The following MSMO1 variants were observed in gnomAD, a reference collection of about 807,000 sequenced individuals.
MSMO1 encodes methylsterol monooxygenase 1.
Under a neutral mutation model 30.4 loss-of-function variants are expected in MSMO1, and 18 were observed. That is an observed-to-expected ratio of 0.59 (90% CI 0.41 to 0.88). The LOEUF (loss-of-function observed/expected upper bound fraction) is 0.88. Ranked by LOEUF, MSMO1 falls within the 40% of genes least tolerant of loss-of-function variation. The pLI is 0.00. For missense variants in MSMO1, 284 were observed against 340.5 expected (o/e 0.83, Z 1.31); for synonymous variants, 84 against 107.9 (o/e 0.78, Z 1.37).
intron 2 of MSMO1, 141 bp from the exon 3 acceptor site, chr4:165,337,648 G>T (rs556552520): frequency 2.5e-6 from 2 of 785,338 alleles, no homozygotes; most frequent in Admixed American, 5.2e-5. Context: ...AATTTAGAAG[G>T]CAAAGATTCC....
rs932064306 is a variant in MSMO1 at position 165,338,665 on chromosome 4, G to T, written c.418G>T (p.Ala140Ser). ...ERMPRWYFLL[A>S]RCFGCAVIED... Reference sequence around the variant, plus strand: ...TTTATCTTAAAGGTATTTTCTTTTGGCAAGATGCTTTGGTTGTGCAGTCAT... The same window carrying T: ...TTTATCTTAAAGGTATTTTCTTTTGTCAAGATGCTTTGGTTGTGCAGTCAT... The change falls in exon 4 of 6, where the codon GCA (alanine) becomes TCA (serine). Residue 140 changes from alanine to serine, a missense_variant. Transcript: ENST00000261507. 1 of 1,609,428 alleles carries T rather than the reference G, an allele frequency of 6.2e-7. No individual in the cohort carries two copies. The highest frequency in any genetic ancestry group is 8.5e-7 in the Non-Finnish European group (1 of 1,176,066).
chr4:165,337,298 A>G (rs918243358), intron 2 of MSMO1, among the ~76,000 whole-genome samples: 2 of 152,102 alleles, frequency 1.3e-5, no homozygotes, highest in African/African-American at 2.4e-5. Flanking sequence ...GTACTTCTCA[A>G]CTCAGAGAGT....
At chr4:165,328,726 C>T (rs1016908352) in intron 1 of MSMO1, among the ~76,000 whole-genome samples, 2 of 152,232 alleles carry the variant, frequency 1.3e-5, no homozygotes, top group Non-Finnish European at 2.9e-5. Context: ...CTTGTTTCCC[C>T]TCTCCTCTTT....
At position 165,333,407 on chromosome 4, in the gene MSMO1, G is replaced by A; in HGVS notation, c.37G>A (p.Ala13Thr). 6.2e-7 allele frequency: 1 copy of A among 1,611,886 alleles called. No individual in the cohort carries two copies. Among genetic ancestry groups the A allele is most frequent in the Middle Eastern group, 2.1e-4 (1 of 4,678 alleles). The change falls in exon 2 of 6, where the codon GCA becomes ACA. Residue 13 changes from alanine (A) to threonine (T), a missense_variant. By Grantham distance (58) the Ala-to-Thr change is moderately conservative. Transcript: ENST00000261507. ...TGAAAGTGTCAGCATCTTTAGTTCA[G>A]CATCCTTGGCTGTGGAATATGTAGA... Reference protein sequence around the residue: ...TNESVSIFSSASLAVEYVDSL... With the variant: ...TNESVSIFSSTSLAVEYVDSL...
At chr4:165,328,449 A>G (rs1032822496) in intron 1 of MSMO1, among the ~76,000 whole-genome samples, 5 of 152,178 alleles carry the variant, frequency 3.3e-5, no homozygotes, top group African/African-American at 9.7e-5. Context: ...TCTGATGTTT[A>G]AATTTATATA....
chr4:165,336,879 A>G (rs1747565249), intron 2 of MSMO1, among the ~76,000 whole-genome samples: 1 of 152,200 alleles, frequency 6.6e-6, no homozygotes, highest in South Asian at 2.1e-4. Context: ...GGAGACCTAG[A>G]TTTTAGTTAG....
At chr4:165,331,586 A>G (rs1477808223) in intron 1 of MSMO1, among the ~76,000 whole-genome samples, 1 of 152,214 alleles carries the variant, frequency 6.6e-6, no homozygotes, top group Admixed American at 6.5e-5. Context: ...GTGAATTCAG[A>G]TGCCTGGAGG....
At chr4:165,337,653 G>A in intron 2 of MSMO1, 136 bp from the exon 3 acceptor site, 1 of 832,898 alleles carries the variant, frequency 1.2e-6, no homozygotes, top group South Asian at 1.7e-5. Flanking sequence ...AGAAGGCAAA[G>A]ATTCCTGAGT....
chr4:165,329,918 G>C (rs534723453), intron 1 of MSMO1, among the ~76,000 whole-genome samples: 2 of 152,246 alleles, frequency 1.3e-5, no homozygotes, highest in African/African-American at 4.8e-5. Context: ...ACCAGCGTAA[G>C]CCACCACACC....
At chr4:165,339,998 G>A (rs914520245) in intron 4 of MSMO1, among the ~76,000 whole-genome samples, 1 of 152,126 alleles carries the variant, frequency 6.6e-6, no homozygotes, top group Admixed American at 6.5e-5. Context: ...TTATCCTGAA[G>A]GCCTTCAAAT....
chr4:165,337,609 C>T (rs904780993), intron 2 of MSMO1, among the ~76,000 whole-genome samples, 180 bp from the exon 3 acceptor site: 1 of 152,198 alleles, frequency 6.6e-6, no homozygotes, highest in African/African-American at 2.4e-5. Flanking sequence ...ACAGTTTCTT[C>T]ACCTGAAGTA....
In MSMO1 at chr4:165,331,324, A is replaced by AG. The variant is rs1747383922; in HGVS notation, c.-31-2015dup. Among the ~76,000 whole-genome samples the AG allele has an allele frequency of 3.9e-5, 6 of 152,124 alleles. No homozygotes were observed. In the South Asian group the frequency reaches 1.2e-3, roughly 32 times the overall value. ...GTCTCAAAAAAAAAGAAAAAAAAAA[A>AG]GAAAAGACGTGAATGTGTTTTTAGA... On this transcript the variant is annotated intron_variant, in intron 1 of 5. Transcript: ENST00000261507.
rs959101321 is a variant in MSMO1 at position 165,342,234 on chromosome 4, A to C, written c.*288A>C. On this transcript the variant is annotated 3_prime_UTR_variant, in exon 6 of 6. Coordinates refer to ENST00000261507, the MANE Select transcript of MSMO1 (RefSeq NM_006745.5). ...GAAGGTTTTGGATACTAGAAGTATT[A>C]ATCTATGGCTTTTCTCCCAGTAAAA... The C allele has an allele frequency of 1.4e-5, 4 of 294,494 alleles. No homozygotes were observed. The highest frequency in any genetic ancestry group is 2.6e-5 in the Non-Finnish European group (4 of 156,166). The allele number at this position is 294,494 out of a possible 1,614,324, so 18.2% of individuals were successfully genotyped here.
At position 165,333,549 on chromosome 4, in the gene MSMO1, C is replaced by G. The variant is rs774882572; in HGVS notation, c.179C>G (p.Ala60Gly). The G allele has an allele frequency of 1.2e-5, 20 of 1,609,644 alleles. No homozygotes were observed. The highest frequency in any genetic ancestry group is 1.7e-4 in the Middle Eastern group (1 of 6,046). ...ATWGSLIVHE[A>G]LYFLFCLPGF... ...TGGGGATCCCTTATAGTTCATGAAG[C>G]CCTTTATTTCTTATTCTGTTTACCT... Residue 60 changes from alanine to glycine, a missense_variant, in exon 2 of 6, where the codon GCC becomes GGC. Ala to Gly is a moderately conservative substitution (Grantham distance 60). Transcript: ENST00000261507.
At chr4:165,333,078 T>C (rs1371820195) in intron 1 of MSMO1, among the ~76,000 whole-genome samples, 1 of 152,306 alleles carries the variant, frequency 6.6e-6, no homozygotes, top group Non-Finnish European at 1.5e-5. Context: ...AAAAAATTTT[T>C]CCCCTATTGT....
At position 165,333,400 on chromosome 4, in the gene MSMO1, T is replaced by C; in HGVS notation, c.30T>C (p.Phe10=). The C allele has an allele frequency of 1.9e-6, 3 of 1,612,010 alleles. No individual in the cohort carries two copies. Among genetic ancestry groups the C allele is most frequent in the East Asian group, 2.2e-5 (1 of 44,784 alleles). The part of the protein sequence containing the change: MATNESVSI[F]SSASLAVEYV... ...CAACAAATGAAAGTGTCAGCATCTT[T>C]AGTTCAGCATCCTTGGCTGTGGAAT... The change falls in exon 2 of 6, where the codon TTT becomes TTC. Residue 10 remains phenylalanine, a synonymous_variant. Coordinates refer to ENST00000261507, the MANE Select transcript of MSMO1 (RefSeq NM_006745.5).
In MSMO1 at chr4:165,340,995, C is replaced by T. The variant is rs1340437328; in HGVS notation, c.686+620C>T. On this transcript the variant is annotated intron_variant, in intron 5 of 5. Coordinates refer to ENST00000261507, the MANE Select transcript of MSMO1 (RefSeq NM_006745.5). ...CAAAATTAATGCTTCTAGTCCTAGG[C>T]AGAGAATATTCTTCTGTAGAAAAAT... Among the ~76,000 whole-genome samples, 3 of 152,046 alleles carry T rather than the reference C, an allele frequency of 2.0e-5. 1 individual carries two copies. Among genetic ancestry groups the T allele is most frequent in the South Asian group, 4.1e-4 (2 of 4,828 alleles).
chr4:165,330,876 C>G (rs1161198156), intron 1 of MSMO1, among the ~76,000 whole-genome samples: 1 of 152,184 alleles, frequency 6.6e-6, no homozygotes, highest in Non-Finnish European at 1.5e-5. Context: ...CAGGCGTGAG[C>G]CACCATGCCC....
chr4:165,333,067 GA>G (rs1001110049), intron 1 of MSMO1, among the ~76,000 whole-genome samples: 1 of 151,936 alleles, frequency 6.6e-6, no homozygotes, highest in Non-Finnish European at 1.5e-5. Context: ...AATATAGCTT[GA>G]AAAAATTTTT....
Sources: gnomAD v4.1 joint callset for allele counts (sites outside exome capture counted in the v4.1 genomes callset) on GRCh38, gnomAD v4.1.1 for gene constraint, MANE v1.5 for transcripts, NCBI Gene and HGNC (gene_info 2026-07-23, HGNC 2026-07-21) for gene names.